Variants in GRID2 observed in about 807,000 individuals in gnomAD.
GRID2 encodes glutamate receptor ionotropic, delta-2.
Under a neutral mutation model 114.8 loss-of-function variants are expected in GRID2, and 33 were observed. The observed-to-expected ratio is 0.29, with a 90% CI of 0.22 to 0.38. The LOEUF (loss-of-function observed/expected upper bound fraction) is 0.38. GRID2 is among the 10% of genes least tolerant of loss of function. GRID2 has a pLI of 1.00. For synonymous variants in GRID2, 505 were observed against 449.9 expected (o/e 1.12, Z -1.55); for missense variants, 1,184 against 1,257.7 (o/e 0.94, Z 0.89).
chr4:93,398,749 GTTT>G (rs35307252), intron 9 of GRID2, among the ~76,000 whole-genome samples: 2 of 116,136 alleles, frequency 1.7e-5, no homozygotes, highest in African/African-American at 3.0e-5. Flanking sequence ...TGGAAGCAGT[GTTT>G]TTTTTTTTTT....
intron 13 of GRID2, among the ~76,000 whole-genome samples, chr4:93,540,043 TA>T (rs1732501807): frequency 1.3e-5 from 2 of 152,012 alleles, no homozygotes; most frequent in African/African-American, 4.8e-5. Context: ...TATTTATATT[TA>T]AAGCCTTCTG....
intron 2 of GRID2, among the ~76,000 whole-genome samples, chr4:92,676,229 G>A (rs1467979071): frequency 4.6e-5 from 3 of 64,854 alleles, no homozygotes; most frequent in Non-Finnish European, 8.6e-5. Context: ...CGCCCAGGCT[G>A]GAGTGCAGTG....
chr4:93,095,736 A>G (rs1731162525), intron 3 of GRID2, among the ~76,000 whole-genome samples: 1 of 152,060 alleles, frequency 6.6e-6, no homozygotes, highest in Non-Finnish European at 1.5e-5. Context: ...TGAAACATTG[A>G]CCAAGAGTAT....
intron 14 of GRID2, among the ~76,000 whole-genome samples, chr4:93,732,418 ATAATT>A (rs967094927): frequency 1.3e-5 from 2 of 152,230 alleles, no homozygotes; most frequent in African/African-American, 4.8e-5. Flanking sequence ...ATTACATAAA[ATAATT>A]TAATCATATA....
At chr4:92,372,877 A>G (rs145197980) in intron 1 of GRID2, among the ~76,000 whole-genome samples, 1 of 152,332 alleles carries the variant, frequency 6.6e-6, no homozygotes, top group African/African-American at 2.4e-5. Flanking sequence ...TAAATTATTA[A>G]TAAGAACATC....
chr4:93,060,129 G>A (rs758965902), intron 2 of GRID2, among the ~76,000 whole-genome samples: 7 of 151,910 alleles, frequency 4.6e-5, no homozygotes, highest in African/African-American at 9.7e-5. Context: ...AAATGCTGTC[G>A]TTTACTGGAA....
chr4:93,754,535 CT>C (rs1280665097), intron 14 of GRID2, among the ~76,000 whole-genome samples: 1 of 152,064 alleles, frequency 6.6e-6, no homozygotes, highest in African/African-American at 2.4e-5. Flanking sequence ...AACGGTATAC[CT>C]TTTTGTTCTC....
At chr4:93,430,564 A>G (rs1403090481) in intron 10 of GRID2, among the ~76,000 whole-genome samples, 1 of 152,260 alleles carries the variant, frequency 6.6e-6, no homozygotes, top group Non-Finnish European at 1.5e-5. Flanking sequence ...GCAAGTGTGA[A>G]TAAGACATAG....
chr4:92,677,584 A>G (rs1030978662), intron 2 of GRID2, among the ~76,000 whole-genome samples: 1 of 152,050 alleles, frequency 6.6e-6, no homozygotes, highest in African/African-American at 2.4e-5. Context: ...AAACACCACA[A>G]AAAGCTGCTC....
chr4:92,505,520 A>G (rs1407623295), intron 1 of GRID2, among the ~76,000 whole-genome samples: 1 of 152,064 alleles, frequency 6.6e-6, no homozygotes. Flanking sequence ...GTCAATGGTC[A>G]TGATGCCCAC....
intron 8 of GRID2, among the ~76,000 whole-genome samples, chr4:93,316,331 AGAAAGAAAGAAG>A (rs1361735500): frequency 5.4e-4 from 26 of 47,868 alleles, no homozygotes; most frequent in African/African-American, 2.0e-3. Flanking sequence ...AAAGAAAGAA[AGAAAGAAAGAAG>A]GAAGGAAGGA....
intron 8 of GRID2, among the ~76,000 whole-genome samples, chr4:93,317,780 T>C (rs751272724): frequency 6.6e-6 from 1 of 151,704 alleles, no homozygotes; most frequent in Non-Finnish European, 1.5e-5. Context: ...CTGGGTGGCA[T>C]TTATTGCTGG....
chr4:93,255,216 A>G (rs1008707923), intron 8 of GRID2, among the ~76,000 whole-genome samples: 1 of 152,106 alleles, frequency 6.6e-6, no homozygotes, highest in Non-Finnish European at 1.5e-5. Context: ...TTTCTGAAGG[A>G]CCATACATTA....
At chr4:93,342,979 C>T (rs775809092) in intron 8 of GRID2, among the ~76,000 whole-genome samples, 1 of 152,062 alleles carries the variant, frequency 6.6e-6, no homozygotes, top group African/African-American at 2.4e-5. Context: ...GTGCAAGAGA[C>T]ATCAGATTTT....
At chr4:93,433,805 A>G (rs1386135950) in intron 10 of GRID2, among the ~76,000 whole-genome samples, 1 of 152,206 alleles carries the variant, frequency 6.6e-6, no homozygotes, top group Non-Finnish European at 1.5e-5. Flanking sequence ...CCACATGACC[A>G]TTCCAAACAT....
intron 2 of GRID2, among the ~76,000 whole-genome samples, chr4:92,807,742 A>G (rs1740485313): frequency 6.6e-6 from 1 of 152,032 alleles, no homozygotes; most frequent in Non-Finnish European, 1.5e-5. Flanking sequence ...GGATATCATT[A>G]TAACAACTTC....
rs572815134 is a variant in GRID2 at position 93,164,863 on chromosome 4, C to T, written c.736-42541C>T. On this transcript the variant is annotated intron_variant, in intron 4 of 15. Transcript: ENST00000282020. Reference sequence around the variant, plus strand: ...TTTGACTACTGTTCTCTAATTCATGCGTACCTCTGATATTGACGTGTTAAG... The same window carrying T: ...TTTGACTACTGTTCTCTAATTCATGTGTACCTCTGATATTGACGTGTTAAG... 5.4e-5 allele frequency: 16 copies of T among 298,844 alleles called. No individual in the cohort carries two copies. In the Admixed American group the frequency reaches 5.4e-4, roughly 10 times the overall value. 18.5% of individuals were successfully genotyped at this position (298,844 alleles called of 1,614,324 possible). A position where few individuals can be genotyped will look rare whatever the true frequency, so the allele number is the denominator to read the frequency against.
At chr4:92,829,326 A>G (rs1368111273) in intron 2 of GRID2, among the ~76,000 whole-genome samples, 1 of 152,124 alleles carries the variant, frequency 6.6e-6, no homozygotes, top group East Asian at 1.9e-4. Flanking sequence ...GCCAACACAC[A>G]TATGCAAAAA....
chr4:92,749,233 A>AC (rs1186459989), intron 2 of GRID2, among the ~76,000 whole-genome samples: 2 of 149,610 alleles, frequency 1.3e-5, no homozygotes, highest in Admixed American at 1.3e-4. Flanking sequence ...CGATCTCTTG[A>AC]CCTCGTGATC....
Sources: allele counts gnomAD v4.1 joint callset (sites outside exome capture counted in the v4.1 genomes callset), GRCh38; gene constraint gnomAD v4.1.1; transcripts MANE v1.5; gene names NCBI Gene and HGNC (gene_info 2026-07-23, HGNC 2026-07-21).